Variants in SHANK2 observed in about 807,000 individuals in gnomAD.
SHANK2 encodes the protein SH3 and multiple ankyrin repeat domains protein 2.
In SHANK2, 43 loss-of-function variants were observed where a neutral mutation model predicts 133.7. That is an observed-to-expected ratio of 0.32 (90% CI 0.25 to 0.41). The LOEUF (loss-of-function observed/expected upper bound fraction) is 0.41. Ranked by LOEUF, SHANK2 falls within the 10% of genes least tolerant of loss-of-function variation. The pLI is 1.00. For missense variants in SHANK2, 1,994 were observed against 2,235.8 expected (o/e 0.89, Z 2.18); for synonymous variants, 1,017 against 952.8 (o/e 1.07, Z -1.24).
chr11:70,926,394 C>G (rs1343267851), intron 10 of SHANK2, among the ~76,000 whole-genome samples: 1 of 152,218 alleles, frequency 6.6e-6, no homozygotes, highest in Non-Finnish European at 1.5e-5. Context: ...CGCCACCGCA[C>G]TCTGGCCTGG....
chr11:71,195,980 G>A (rs914687636), intron 2 of SHANK2, among the ~76,000 whole-genome samples: 1 of 152,036 alleles, frequency 6.6e-6, no homozygotes, highest in Non-Finnish European at 1.5e-5. Flanking sequence ...CTAGGAGTTC[G>A]GGACCAGCCT....
intron 17 of SHANK2, among the ~76,000 whole-genome samples, chr11:70,650,418 C>T (rs1456372637): frequency 6.6e-6 from 1 of 152,176 alleles, no homozygotes; most frequent in African/African-American, 2.4e-5. Flanking sequence ...AAGGCTGCAT[C>T]CAATCCTCCC....
chr11:71,166,063 C>T (rs547231738), intron 2 of SHANK2, among the ~76,000 whole-genome samples: 10 of 152,280 alleles, frequency 6.6e-5, no homozygotes, highest in Admixed American at 2.0e-4. Context: ...CACTACTGCT[C>T]GCCTGGTGTC....
Position 70,492,428 on chromosome 11 carries a change from G to T in SHANK2, c.2346C>A (p.Ser782=). The change falls in exon 22 of 26, where the codon TCC becomes TCA. Residue 782 remains serine (S), a synonymous_variant. Coordinates refer to ENST00000601538, the MANE Select transcript of SHANK2 (RefSeq NM_012309.5). ...PEEIVPASKP[S]RAAENMAVEP... is the part of the protein sequence containing the mutation. ...CCACAGCCATGTTCTCAGCAGCGCG[G>T]GAGGGCTTGGAGGCCGGGACTATCT... is the stretch of plus-strand genomic sequence containing the variant. The T allele has an allele frequency of 1.9e-6, 3 of 1,614,022 alleles. No individual in the cohort carries two copies. Among genetic ancestry groups the T allele is most frequent in the Non-Finnish European group, 2.5e-6 (3 of 1,180,046 alleles).
At chr11:70,496,881 C>G in intron 21 of SHANK2, 1 of 443,638 alleles carries the variant, frequency 2.3e-6, no homozygotes, top group South Asian at 1.6e-5. Flanking sequence ...GGCACCCTAC[C>G]CATCATCACA....
At chr11:71,056,005 C>T (rs955711933) in intron 10 of SHANK2, among the ~76,000 whole-genome samples, 5 of 152,104 alleles carry the variant, frequency 3.3e-5, no homozygotes, top group Non-Finnish European at 7.3e-5. Flanking sequence ...AGGACCTGGG[C>T]TTGTGCATTA....
chr11:70,581,793 C>G (rs558775728), intron 17 of SHANK2, among the ~76,000 whole-genome samples: 1 of 152,206 alleles, frequency 6.6e-6, no homozygotes, highest in Non-Finnish European at 1.5e-5. Context: ...GAGTCCAGCC[C>G]TGGAACTGGA....
chr11:70,890,371 T>C (rs567567710), intron 11 of SHANK2, among the ~76,000 whole-genome samples: 12 of 151,398 alleles, frequency 7.9e-5, no homozygotes, highest in Non-Finnish European at 7.4e-5. Context: ...CCAGGCCCAG[T>C]AGCTCATGCC....
At chr11:71,126,774 T>C (rs1328288588) in intron 3 of SHANK2, among the ~76,000 whole-genome samples, 1 of 148,118 alleles carries the variant, frequency 6.8e-6, no homozygotes, top group African/African-American at 2.6e-5. Context: ...TCACCCAGGC[T>C]GGAGTGCAGT....
intron 10 of SHANK2, among the ~76,000 whole-genome samples, chr11:70,914,345 C>T (rs556954645): frequency 6.6e-6 from 1 of 152,172 alleles, no homozygotes; most frequent in East Asian, 1.9e-4. Flanking sequence ...GAGCAATACC[C>T]AGGCTTTTCT....
chr11:70,844,034 A>G (rs1948956770), intron 11 of SHANK2, among the ~76,000 whole-genome samples: 1 of 152,060 alleles, frequency 6.6e-6, no homozygotes, highest in Non-Finnish European at 1.5e-5. Context: ...TGCTGCGTGC[A>G]CCATCCCCTG....
In SHANK2 at chr11:70,862,496, C is replaced by G. The variant is rs193012310; in HGVS notation, c.1174+34005G>C. On this transcript the variant is annotated intron_variant, in intron 11 of 25. Coordinates refer to ENST00000601538, the MANE Select transcript of SHANK2 (RefSeq NM_012309.5). ...AGCCTGGACTGGACTGGCTGATGGA[C>G]AGGACTAGACTGGCTGATGGACTGG... Among the ~76,000 whole-genome samples, 311 of 152,110 alleles carry G rather than the reference C, an allele frequency of 2.0e-3. 2 individuals carry two copies. Among genetic ancestry groups the G allele is most frequent in the Non-Finnish European group, 2.1e-3 (143 of 67,986 alleles).
At chr11:71,167,407 C>CG (rs1211012614) in intron 2 of SHANK2, among the ~76,000 whole-genome samples, 1 of 145,410 alleles carries the variant, frequency 6.9e-6, no homozygotes, top group Non-Finnish European at 1.5e-5. Flanking sequence ...GCTGGCCGGG[C>CG]GGGGGGCTGA....
intron 11 of SHANK2, among the ~76,000 whole-genome samples, chr11:70,888,808 C>T (rs542962689): frequency 6.1e-5 from 9 of 148,444 alleles, no homozygotes; most frequent in Non-Finnish European, 7.4e-5. Context: ...CAGAGGGAGA[C>T]GCCATCTCAA....
Position 71,188,512 on chromosome 11 carries a change from G to A in SHANK2, c.-13+36185C>T, listed in dbSNP as rs191950694. On this transcript the variant is annotated intron_variant, in intron 2 of 25. Coordinates refer to ENST00000601538, the MANE Select transcript of SHANK2 (RefSeq NM_012309.5). This position sits in a 1 kb window ranked among gnomAD's most constrained non-coding sequence, Gnocchi z 4.6. ...AACACTGCAAATATTTACAGTGGAC[G>A]TACGAAAAGGCACAGGAATACTGAG... Among the ~76,000 whole-genome samples, 4 of 152,278 alleles carry A rather than the reference G, an allele frequency of 2.6e-5. No individual in the cohort carries two copies. Among genetic ancestry groups the A allele is most frequent in the East Asian group, 1.9e-4 (1 of 5,188 alleles).
At chr11:70,723,049 A>T (rs1555029604) in intron 14 of SHANK2, among the ~76,000 whole-genome samples, 1 of 152,224 alleles carries the variant, frequency 6.6e-6, no homozygotes, top group East Asian at 1.9e-4. Flanking sequence ...AAGCACCGTC[A>T]GACCCCATGT....
intron 6 of SHANK2, among the ~76,000 whole-genome samples, chr11:71,095,519 C>T (rs1951594537): frequency 6.6e-6 from 1 of 152,168 alleles, no homozygotes; most frequent in African/African-American, 2.4e-5. Context: ...ACCAGGACAA[C>T]ACACAAGTTC....
intron 2 of SHANK2, among the ~76,000 whole-genome samples, chr11:71,159,415 A>G (rs184647089): frequency 6.6e-6 from 1 of 152,330 alleles, no homozygotes; most frequent in Admixed American, 6.5e-5. Flanking sequence ...ATAACCCAAG[A>G]TAATTCCTCC....
chr11:70,833,246 C>G (rs1948752366), intron 11 of SHANK2, among the ~76,000 whole-genome samples: 2 of 152,266 alleles, frequency 1.3e-5, no homozygotes, highest in African/African-American at 4.8e-5. Flanking sequence ...GTATTCCATG[C>G]AGCCCACCTG....
Sources: gnomAD v4.1 joint callset for allele counts (sites outside exome capture counted in the v4.1 genomes callset) on GRCh38, gnomAD v4.1.1 for gene constraint, Gnocchi (gnomAD v3.1) non-coding constraint, MANE v1.5 for transcripts, NCBI Gene and HGNC (gene_info 2026-07-23, HGNC 2026-07-21) for gene names.